Variants in ANKS1A observed in about 807,000 individuals in gnomAD.
ANKS1A encodes ankyrin repeat and sterile alpha motif domain containing 1A.
Under a neutral mutation model 120.3 loss-of-function variants are expected in ANKS1A, and 55 were observed. The observed-to-expected ratio is 0.46, with a 90% CI of 0.37 to 0.57. ANKS1A has a LOEUF of 0.57. Among genes scored for constraint, ANKS1A ranks in the 20% least tolerant of loss-of-function variants. The pLI is 0.00. For missense variants in ANKS1A, 1,123 were observed against 1,480.3 expected, an observed-to-expected ratio of 0.76 and a Z score of 3.96; for synonymous variants, 590 against 604.7, an observed-to-expected ratio of 0.98 and a Z score of 0.36.
At chr6:35,020,026 G>A (rs1774248633) in intron 11 of ANKS1A, among the ~76,000 whole-genome samples, 1 of 152,060 alleles carries the variant, frequency 6.6e-6, no homozygotes, top group African/African-American at 2.4e-5. Context: ...GAGGCATGGA[G>A]CCAGAAAAGT....
Position 35,015,464 on chromosome 6 carries a change from A to C in ANKS1A, c.1424-2009A>C, listed in dbSNP as rs544135256. Among the ~76,000 whole-genome samples the C allele has an allele frequency of 2.0e-5, 3 of 152,318 alleles. No individual in the cohort carries two copies. In the South Asian group the frequency reaches 6.2e-4, roughly 32 times the overall value. On this transcript the variant is annotated intron_variant, in intron 10 of 23. Transcript: ENST00000360359. ...CAGTGAGCCAAGAGTGTGCAACTGCATTCCAGCCTGGGCAACAGAGCAAGA... is the reference window on the plus strand; with the variant it reads ...CAGTGAGCCAAGAGTGTGCAACTGCCTTCCAGCCTGGGCAACAGAGCAAGA...
intron 13 of ANKS1A, among the ~76,000 whole-genome samples, chr6:35,069,918 T>G (rs887491405): frequency 6.6e-6 from 1 of 150,560 alleles, no homozygotes; most frequent in South Asian, 2.1e-4. Flanking sequence ...TCCCAGCTAC[T>G]TGGGAGGCTG....
intron 13 of ANKS1A, among the ~76,000 whole-genome samples, chr6:35,061,402 C>T (rs956419426): frequency 6.6e-6 from 1 of 152,222 alleles, no homozygotes; most frequent in South Asian, 2.1e-4. Flanking sequence ...CACCTGTGCC[C>T]GCCTTGCTCC....
intron 1 of ANKS1A, among the ~76,000 whole-genome samples, chr6:34,937,876 C>T (rs1769338126): frequency 6.6e-6 from 1 of 152,156 alleles, no homozygotes; most frequent in African/African-American, 2.4e-5. Context: ...TCAGTTACAC[C>T]TCATAGCCTT....
chr6:34,984,991 G>A lies in ANKS1A; in HGVS notation c.1013-91G>A, dbSNP rs893312208. On this transcript the variant is annotated intron_variant, in intron 7 of 23. Transcript: ENST00000360359. ...TCTGGGTTAGTGTTTGTGAGCGCGGGTGACTAAAGAGGCTTTGGGTTGCTG... is the reference window on the plus strand; with the variant it reads ...TCTGGGTTAGTGTTTGTGAGCGCGGATGACTAAAGAGGCTTTGGGTTGCTG... 4 of 1,228,104 alleles carry A rather than the reference G, an allele frequency of 3.3e-6. No individual in the cohort carries two copies. In the African/African-American group the frequency reaches 6.1e-5, roughly 19 times the overall value. The allele number at this position is 1,228,104 out of a possible 1,614,324, so 76.1% of individuals were successfully genotyped here. A position where few individuals can be genotyped will look rare whatever the true frequency, so the allele number is the denominator to read the frequency against.
At chr6:34,937,320 T>C (rs567138874) in intron 1 of ANKS1A, among the ~76,000 whole-genome samples, 4 of 151,510 alleles carry the variant, frequency 2.6e-5, no homozygotes, top group Non-Finnish European at 5.9e-5. Context: ...AATATATATA[T>C]ATATATTTTT....
intron 10 of ANKS1A, among the ~76,000 whole-genome samples, chr6:35,002,813 G>A (rs954305347): frequency 1.3e-5 from 2 of 151,834 alleles, no homozygotes; most frequent in Admixed American, 1.3e-4. Flanking sequence ...CACTCATTCT[G>A]TAGGATGACT....
chr6:34,907,914 A>G (rs1767720132), intron 1 of ANKS1A, among the ~76,000 whole-genome samples: 2 of 152,204 alleles, frequency 1.3e-5, no homozygotes, highest in South Asian at 4.1e-4. Flanking sequence ...GTGGCAAGCC[A>G]GGCATGGTGG....
At chr6:34,923,216 G>A (rs915213422) in intron 1 of ANKS1A, among the ~76,000 whole-genome samples, 10 of 152,216 alleles carry the variant, frequency 6.6e-5, no homozygotes, top group Admixed American at 2.0e-4. Flanking sequence ...CCATTAAAGT[G>A]GGGAAAAGTG....
At chr6:34,991,685 T>C (rs200108651) in intron 9 of ANKS1A, among the ~76,000 whole-genome samples, 2 of 28,728 alleles carry the variant, frequency 7.0e-5, no homozygotes, top group South Asian at 2.1e-3. Flanking sequence ...TATATATACA[T>C]ATATACACAT....
intron 1 of ANKS1A, among the ~76,000 whole-genome samples, chr6:34,927,570 A>T (rs1000546755): frequency 6.6e-6 from 1 of 152,094 alleles, no homozygotes; most frequent in African/African-American, 2.4e-5. Flanking sequence ...GGCTGAAGTG[A>T]GGAGCTGTGG....
At chr6:35,000,816 C>A (rs972260251) in intron 10 of ANKS1A, among the ~76,000 whole-genome samples, 1 of 151,764 alleles carries the variant, frequency 6.6e-6, no homozygotes, top group Non-Finnish European at 1.5e-5. Context: ...GGATTTTTAC[C>A]TACATTAAAA....
intron 1 of ANKS1A, among the ~76,000 whole-genome samples, chr6:34,937,500 C>T (rs540939403): frequency 6.6e-6 from 1 of 151,996 alleles, no homozygotes; most frequent in African/African-American, 2.4e-5. Context: ...AGGTAAGGCC[C>T]TTACTGTGGA....
chr6:35,084,443 G>A lies in ANKS1A; in HGVS notation c.3132+185G>A, dbSNP rs75011146. 1.4e-3 allele frequency among the ~76,000 whole-genome samples: 217 copies of A among 151,912 alleles called. 2 individuals are homozygous for A. The highest frequency in any genetic ancestry group is 5.0e-3 in the African/African-American group (206 of 41,454). On this transcript the variant is annotated intron_variant, in intron 21 of 23. Coordinates refer to ENST00000360359, the MANE Select transcript of ANKS1A (RefSeq NM_015245.3). This position sits in a 1 kb window ranked among gnomAD's most constrained non-coding sequence, Gnocchi z 4.8. ...CCTTTCACAGTGATGAGACTGACGC[G>A]CAGAGGGAACAGGGACTGGCCCAGG...
At chr6:35,079,699 C>T in intron 15 of ANKS1A, 31 bp downstream of exon 15, 1 of 1,613,944 alleles carries the variant, frequency 6.2e-7, no homozygotes. Context: ...CCGGCCTGGA[C>T]TCTCCAGAAG....
chr6:34,974,530 G>T (rs1269859226), intron 3 of ANKS1A, among the ~76,000 whole-genome samples: 1 of 151,828 alleles, frequency 6.6e-6, no homozygotes, highest in Non-Finnish European at 1.5e-5. Flanking sequence ...CTTCAGAATA[G>T]GAAGATACTC....
Position 35,074,474 on chromosome 6 carries a change from A to G in ANKS1A, c.2185-4084A>G, listed in dbSNP as rs115664495. Among the ~76,000 whole-genome samples the G allele has an allele frequency of 7.3e-3, 1,098 of 151,400 alleles. 14 individuals are homozygous for G. Among genetic ancestry groups the G allele is most frequent in the African/African-American group, 0.024 (997 of 41,320 alleles). ...TAGCCAGGCATGGTGGTACATGCCT[A>G]TGGTACCAGCTACTTAGGAGGCTGA... On this transcript the variant is annotated intron_variant, in intron 13 of 23. Coordinates refer to ENST00000360359, the MANE Select transcript of ANKS1A (RefSeq NM_015245.3).
chr6:35,027,020 G>A (rs1774661747), intron 11 of ANKS1A, among the ~76,000 whole-genome samples: 2 of 152,144 alleles, frequency 1.3e-5, no homozygotes, highest in Admixed American at 6.5e-5. Context: ...GAGGGGCTGG[G>A]TTATAGGTCA....
chr6:35,083,373 C>G, intron 19 of ANKS1A, 44 bp from the exon 20 acceptor site: 1 of 1,605,010 alleles, frequency 6.2e-7, no homozygotes, highest in East Asian at 2.2e-5. Flanking sequence ...GGAGGCTTAG[C>G]CCTGAGAAGG....
Sources: gnomAD v4.1 joint callset for allele counts (sites outside exome capture counted in the v4.1 genomes callset) on GRCh38, gnomAD v4.1.1 for gene constraint, Gnocchi (gnomAD v3.1) non-coding constraint, MANE v1.5 for transcripts, NCBI Gene and HGNC (gene_info 2026-07-23, HGNC 2026-07-21) for gene names.